Variants in PKIB observed in about 807,000 individuals in gnomAD.
PKIB encodes PKI-beta.
In PKIB, 2 loss-of-function variants were observed where a neutral mutation model predicts 4.5. That is an observed-to-expected ratio of 0.44 (90% CI 0.18 to 1.39). The LOEUF (loss-of-function observed/expected upper bound fraction) is 1.39, where lower values mean the gene tolerates loss of function less well. Ranked by LOEUF, PKIB falls within the 40% of genes most tolerant of loss-of-function variation. The pLI is 0.27. For missense variants in PKIB, 94 were observed against 92.6 expected (o/e 1.02, Z -0.06); for synonymous variants, 38 against 36.0 (o/e 1.06, Z -0.20).
At position 122,563,351 on chromosome 6, in the gene PKIB, T is replaced by G. The variant is rs751541212; in HGVS notation, c.-247-22570T>G. Among the ~76,000 whole-genome samples, 2 of 152,148 alleles carry G rather than the reference T, an allele frequency of 1.3e-5. 1 individual carries two copies. The highest frequency in any genetic ancestry group is 2.9e-5 in the Non-Finnish European group (2 of 68,020). ...TCTCTCAGCTGTGTGTCTCAGTGCCTGTTCTGGTGGAGGTGGCAGGGGGTG... is the reference window on the plus strand; with the variant it reads ...TCTCTCAGCTGTGTGTCTCAGTGCCGGTTCTGGTGGAGGTGGCAGGGGGTG... On this transcript the variant is annotated intron_variant, in intron 2 of 6. Transcript: ENST00000392491.
intron 2 of PKIB, among the ~76,000 whole-genome samples, chr6:122,672,905 T>C (rs1203305762): frequency 6.6e-6 from 1 of 152,018 alleles, no homozygotes; most frequent in Non-Finnish European, 1.5e-5. Context: ...TAGTAAAATA[T>C]TTGATAAGTG....
intron 1 of PKIB, among the ~76,000 whole-genome samples, chr6:122,620,155 C>T (rs1373981540): frequency 3.3e-5 from 5 of 152,246 alleles, no homozygotes; most frequent in South Asian, 2.1e-4. Flanking sequence ...CATCCTCTAC[C>T]GTTTCTCATT....
At chr6:122,584,400 C>A (rs551814375) in intron 2 of PKIB, among the ~76,000 whole-genome samples, 1 of 151,912 alleles carries the variant, frequency 6.6e-6, no homozygotes, top group South Asian at 2.1e-4. Flanking sequence ...ATTAAGTAAG[C>A]CATAAATAGA....
chr6:122,578,321 C>A (rs535010458), intron 2 of PKIB, among the ~76,000 whole-genome samples: 1 of 152,224 alleles, frequency 6.6e-6, no homozygotes, highest in Admixed American at 6.5e-5. Flanking sequence ...AAAAAGGTGA[C>A]ATAGTTGTTT....
At chr6:122,695,211 G>A (rs4245524) in intron 3 of PKIB, among the ~76,000 whole-genome samples, 150,535 of 152,262 alleles carry the variant, frequency 0.99, 74,434 homozygotes, top group East Asian at 1. Flanking sequence ...GACATGAAAG[G>A]TAAGCTAGGA....
At chr6:122,626,698 A>G (rs1046805137) in intron 1 of PKIB, among the ~76,000 whole-genome samples, 1 of 152,170 alleles carries the variant, frequency 6.6e-6, no homozygotes, top group African/African-American at 2.4e-5. Context: ...TGCTAGCCCT[A>G]TGTGGCCAAG....
At chr6:122,678,228 A>G (rs912028617) in intron 3 of PKIB, among the ~76,000 whole-genome samples, 1 of 152,182 alleles carries the variant, frequency 6.6e-6, no homozygotes, top group African/African-American at 2.4e-5. Flanking sequence ...CAGAGCAGGC[A>G]TAGAAAGTGC....
chr6:122,675,484 A>G (rs748412530), intron 3 of PKIB, among the ~76,000 whole-genome samples: 1 of 152,244 alleles, frequency 6.6e-6, no homozygotes, highest in Admixed American at 6.5e-5. Context: ...TGTCACATCA[A>G]TGAGAAGGAA....
At chr6:122,523,128 A>G (rs1219257211) in intron 2 of PKIB, among the ~76,000 whole-genome samples, 2 of 152,072 alleles carry the variant, frequency 1.3e-5, no homozygotes, top group Non-Finnish European at 2.9e-5. Context: ...GCTTCTCATA[A>G]ATGGCCTTTA....
chr6:122,637,530 G>T (rs531867763), intron 2 of PKIB, among the ~76,000 whole-genome samples: 8 of 152,196 alleles, frequency 5.3e-5, no homozygotes, highest in African/African-American at 1.7e-4. Context: ...GCCGAGGCAG[G>T]TGGATCACGA....
At chr6:122,529,856 T>C (rs1312342324) in intron 2 of PKIB, among the ~76,000 whole-genome samples, 3 of 152,134 alleles carry the variant, frequency 2.0e-5, no homozygotes, top group Non-Finnish European at 2.9e-5. Flanking sequence ...CTTTCTGTGT[T>C]CAAGATTCTT....
At chr6:122,558,441 G>T (rs530904125) in intron 2 of PKIB, among the ~76,000 whole-genome samples, 1 of 152,150 alleles carries the variant, frequency 6.6e-6, no homozygotes, top group Non-Finnish European at 1.5e-5. Context: ...CTAGTGAAAG[G>T]TACAGTCAGA....
At chr6:122,682,072 T>C (rs1777916408) in intron 3 of PKIB, among the ~76,000 whole-genome samples, 1 of 152,130 alleles carries the variant, frequency 6.6e-6, no homozygotes, top group Admixed American at 6.5e-5. Flanking sequence ...ATGTAGACAA[T>C]CACAGTTATC....
At chr6:122,711,876 AC>A (rs1227490419) in intron 3 of PKIB, among the ~76,000 whole-genome samples, 1 of 152,190 alleles carries the variant, frequency 6.6e-6, no homozygotes, top group Non-Finnish European at 1.5e-5. Context: ...CCATGTGCCT[AC>A]CAATGTATAT....
At chr6:122,526,024 C>A (rs1402240819) in intron 2 of PKIB, among the ~76,000 whole-genome samples, 4 of 152,124 alleles carry the variant, frequency 2.6e-5, no homozygotes, top group African/African-American at 7.2e-5. Context: ...CAGTAATGTT[C>A]ATAGCATCTG....
chr6:122,570,732 G>T (rs1203715352), intron 2 of PKIB, among the ~76,000 whole-genome samples: 1 of 152,016 alleles, frequency 6.6e-6, no homozygotes, highest in African/African-American at 2.4e-5. Flanking sequence ...GGGAAAAAAA[G>T]AAATTAAATA....
chr6:122,671,183 T>A (rs1777448544), intron 2 of PKIB, among the ~76,000 whole-genome samples: 1 of 151,738 alleles, frequency 6.6e-6, no homozygotes, highest in Non-Finnish European at 1.5e-5. Context: ...TCCCAGCTAC[T>A]TGGGAGGCTG....
chr6:122,660,157 A>G (rs1776928742), intron 2 of PKIB, among the ~76,000 whole-genome samples: 1 of 152,218 alleles, frequency 6.6e-6, no homozygotes, highest in Admixed American at 6.5e-5. Flanking sequence ...TCTGACATAC[A>G]TGAGAAAAGC....
chr6:122,579,806 C>T (rs1446338855), intron 2 of PKIB, among the ~76,000 whole-genome samples: 2 of 152,124 alleles, frequency 1.3e-5, no homozygotes, highest in Non-Finnish European at 1.5e-5. Context: ...GAATTATTCT[C>T]ACACAAGTAG....
Sources: gnomAD v4.1 joint callset for allele counts (sites outside exome capture counted in the v4.1 genomes callset) on GRCh38, gnomAD v4.1.1 for gene constraint, MANE v1.5 for transcripts, NCBI Gene and HGNC (gene_info 2026-07-23, HGNC 2026-07-21) for gene names.